The following R3HDM1 variants were observed in gnomAD, a reference collection of about 807,000 sequenced individuals.
R3HDM1 encodes R3H domain containing 1.
Under a neutral mutation model 141.1 loss-of-function variants are expected in R3HDM1, and 46 were observed. That is an observed-to-expected ratio of 0.33 (90% confidence interval 0.26 to 0.42). The LOEUF (loss-of-function observed/expected upper bound fraction) is 0.42. Among genes scored for constraint, R3HDM1 ranks in the 10% least tolerant of loss-of-function variants. R3HDM1 has a pLI of 1.00. For synonymous variants in R3HDM1, 435 were observed against 472.9 expected (o/e 0.92, Z 1.04); for missense variants, 1,184 against 1,368.3 (o/e 0.87, Z 2.12).
At chr2:135,693,761 A>G (rs1349787539) in intron 21 of R3HDM1, among the ~76,000 whole-genome samples, 1 of 152,134 alleles carries the variant, frequency 6.6e-6, no homozygotes, top group Non-Finnish European at 1.5e-5. Context: ...TAATCCCAGC[A>G]CTCTGGGAGG....
At chr2:135,674,999 T>C (rs1367902397) in intron 19 of R3HDM1, among the ~76,000 whole-genome samples, 2 of 152,240 alleles carry the variant, frequency 1.3e-5, no homozygotes, top group African/African-American at 4.8e-5. Flanking sequence ...GCTCATGTTA[T>C]GTAGCAACTC....
chr2:135,641,781 C>G lies in R3HDM1; in HGVS notation c.1465C>G (p.Pro489Ala). The G allele has an allele frequency of 1.9e-6, 3 of 1,608,952 alleles. No individual in the cohort carries two copies. Among genetic ancestry groups the G allele is most frequent in the Non-Finnish European group, 2.5e-6 (3 of 1,178,152 alleles). ...ACCACCTGGCAGTATTCTGATCAAC[C>G]CACAAACAGGTTGGTATCCAGAAAA... ...GIPPGSILINPQTGQPFINPD... is the reference protein window; with the variant it reads ...GIPPGSILINAQTGQPFINPD... Residue 489 changes from proline (P) to alanine (A), a missense_variant, in exon 15 of 27, where the codon CCA becomes GCA. Coordinates refer to ENST00000683871, the MANE Select transcript of R3HDM1 (RefSeq NM_001378107.1).
intron 1 of R3HDM1, among the ~76,000 whole-genome samples, chr2:135,541,798 A>G (rs1204632471): frequency 1.3e-5 from 2 of 151,418 alleles, no homozygotes; most frequent in Non-Finnish European, 2.9e-5. Flanking sequence ...TGTTGGGAAA[A>G]TGGTACTGAT....
intron 25 of R3HDM1, 113 bp downstream of exon 25, chr2:135,722,119 C>A: frequency 1.0e-6 from 1 of 1,004,204 alleles, no homozygotes; most frequent in South Asian, 1.4e-5. Context: ...GAGCTCTGTG[C>A]CTCAGCCAGT....
intron 21 of R3HDM1, among the ~76,000 whole-genome samples, chr2:135,694,296 G>A (rs1477071496): frequency 6.6e-6 from 1 of 152,164 alleles, no homozygotes; most frequent in Non-Finnish European, 1.5e-5. Flanking sequence ...AGGTAGAAGA[G>A]GTATGTGTTG....
At chr2:135,581,412 A>G in intron 1 of R3HDM1, 5 of 981,976 alleles carry the variant, frequency 5.1e-6, no homozygotes, top group Non-Finnish European at 6.0e-6. Context: ...TTATCTGTGT[A>G]GTCTTTGAGG....
At chr2:135,586,322 A>G (rs758773564) in intron 1 of R3HDM1, 1 of 152,552 alleles carries the variant, frequency 6.6e-6, no homozygotes, top group Non-Finnish European at 1.5e-5. Flanking sequence ...TTGACTTTCT[A>G]TTGTCTGAGT....
intron 21 of R3HDM1, among the ~76,000 whole-genome samples, chr2:135,688,719 T>G (rs1465153830): frequency 1.3e-5 from 2 of 152,160 alleles, no homozygotes; most frequent in Non-Finnish European, 2.9e-5. Flanking sequence ...GGTGATCACT[T>G]GAGACCAAGA....
intron 16 of R3HDM1, among the ~76,000 whole-genome samples, chr2:135,647,793 A>C (rs2064638044): frequency 6.6e-6 from 1 of 152,180 alleles, no homozygotes; most frequent in South Asian, 2.1e-4. Flanking sequence ...AAAACCAATT[A>C]CTTTAGGTGG....
intron 1 of R3HDM1, among the ~76,000 whole-genome samples, chr2:135,537,277 C>CTG (rs1283072290): frequency 4.7e-5 from 4 of 84,446 alleles, no homozygotes; most frequent in African/African-American, 2.2e-4. Flanking sequence ...ATTAGTCTGT[C>CTG]TTTTTTTTTT....
At chr2:135,561,346 T>A (rs79697971) in intron 1 of R3HDM1, 2 of 980,794 alleles carry the variant, frequency 2.0e-6, no homozygotes, top group African/African-American at 3.5e-5. Flanking sequence ...CTTTTCATTA[T>A]CCAAAGATAG....
At chr2:135,707,459 T>G (rs754417252) in intron 21 of R3HDM1, among the ~76,000 whole-genome samples, 1 of 152,246 alleles carries the variant, frequency 6.6e-6, no homozygotes, top group Non-Finnish European at 1.5e-5. Context: ...TGATTCTTAC[T>G]CATTTACCTA....
chr2:135,679,511 C>A (rs1278928235), intron 20 of R3HDM1, among the ~76,000 whole-genome samples: 1 of 152,184 alleles, frequency 6.6e-6, no homozygotes, highest in African/African-American at 2.4e-5. Context: ...CTTTTTATGA[C>A]CCACTGCGTC....
chr2:135,586,509 A>G (rs1439083210), intron 1 of R3HDM1: 1 of 166,340 alleles, frequency 6.0e-6, no homozygotes, highest in African/African-American at 2.4e-5. Context: ...CAATGAAGGT[A>G]TGTGACTCAA....
chr2:135,635,875 T>G lies in R3HDM1; in HGVS notation c.699-15T>G. 1 of 1,570,002 alleles carries G rather than the reference T, an allele frequency of 6.4e-7. No individual in the cohort carries two copies. The highest frequency in any genetic ancestry group is 8.6e-7 in the Non-Finnish European group (1 of 1,163,626). On this transcript the variant is annotated splice_polypyrimidine_tract_variant and intron_variant, in intron 9 of 26. Transcript: ENST00000683871. ...ATCTTTTCCTGTTCCTTTGTTTTTG[T>G]TTTTGTTTTTTAAGACCTGATCAGA...
chr2:135,541,826 G>T (rs1697595931), intron 1 of R3HDM1, among the ~76,000 whole-genome samples: 1 of 135,544 alleles, frequency 7.4e-6, no homozygotes. Flanking sequence ...CTTGACTCAA[G>T]AGTTGCCACA....
At chr2:135,657,888 T>C (rs1182613408) in intron 18 of R3HDM1, among the ~76,000 whole-genome samples, 1 of 152,228 alleles carries the variant, frequency 6.6e-6, no homozygotes, top group African/African-American at 2.4e-5. Context: ...TGGTCATGCA[T>C]CATTTAATGA....
chr2:135,716,513 CACACAA>C (rs1442999944), intron 24 of R3HDM1, among the ~76,000 whole-genome samples: 1 of 152,012 alleles, frequency 6.6e-6, no homozygotes, highest in Non-Finnish European at 1.5e-5. Context: ...AAGGATAATG[CACACAA>C]AGATTTATAT....
chr2:135,660,466 C>G (rs888518888), intron 18 of R3HDM1, among the ~76,000 whole-genome samples: 2 of 152,126 alleles, frequency 1.3e-5, no homozygotes, highest in African/African-American at 4.8e-5. Flanking sequence ...TTTTTGAGTA[C>G]TGACATGACA....
Sources: allele counts gnomAD v4.1 joint callset (sites outside exome capture counted in the v4.1 genomes callset), GRCh38; gene constraint gnomAD v4.1.1; transcripts MANE v1.5; gene names NCBI Gene and HGNC (gene_info 2026-07-23, HGNC 2026-07-21).